The following SEMA6D variants were observed in gnomAD, a reference collection of about 807,000 sequenced individuals.
SEMA6D encodes the protein semaphorin 6D.
SEMA6D carries 35 observed loss-of-function variants against 106.6 expected under a neutral mutation model. That is an observed-to-expected ratio of 0.33 (90% confidence interval 0.25 to 0.44). The LOEUF is 0.44. Ranked by LOEUF, SEMA6D falls within the 20% of genes least tolerant of loss-of-function variation. The pLI is 1.00. For synonymous variants in SEMA6D, 499 were observed against 487.7 expected (o/e 1.02, Z -0.31); for missense variants, 1,185 against 1,345.9 (o/e 0.88, Z 1.87).
At chr15:47,304,433 TAAAAAAAAAAAAAAAAAAAAA>T (rs56185341) in intron 1 of SEMA6D, among the ~76,000 whole-genome samples, 2 of 93,866 alleles carry the variant, frequency 2.1e-5, no homozygotes, top group Non-Finnish European at 1.9e-5. Flanking sequence ...GCCTTCTAAC[TAAAAAAAAAAAAAAAAAAAAA>T]AAAAAAAAAA....
At chr15:47,616,248 C>T (rs781643737) in intron 4 of SEMA6D, among the ~76,000 whole-genome samples, 1 of 151,954 alleles carries the variant, frequency 6.6e-6, no homozygotes, top group African/African-American at 2.4e-5. Flanking sequence ...CAGCTAACTG[C>T]AGCCTCCACC....
intron 1 of SEMA6D, among the ~76,000 whole-genome samples, chr15:47,732,485 C>G (rs892900826): frequency 7.2e-5 from 11 of 152,298 alleles, no homozygotes; most frequent in Middle Eastern, 3.4e-3. Flanking sequence ...AACATCATGT[C>G]ACCTGCTCAT....
chr15:47,285,593 T>C (rs2035326880), intron 1 of SEMA6D, among the ~76,000 whole-genome samples: 1 of 152,194 alleles, frequency 6.6e-6, no homozygotes, highest in African/African-American at 2.4e-5. Flanking sequence ...AGTCTGCTAT[T>C]GCATTTTTTT....
In SEMA6D at chr15:47,640,464, C is replaced by G. The variant is rs144949127; in HGVS notation, c.-55+39568C>G. On this transcript the variant is annotated intron_variant, in intron 4 of 19. Coordinates refer to the SEMA6D transcript ENST00000558014. ...CCTTAGAGTGAACTTGTGAAATTAT[C>G]TGAGCTTGAACGGAGCTCAAAGAAA... is the stretch of plus-strand genomic sequence containing the variant. Among the ~76,000 whole-genome samples the G allele has an allele frequency of 2.3e-4, 35 of 152,312 alleles. No homozygotes were observed. The East Asian group carries it at 6.6e-3, about 29-fold the overall frequency.
rs1160235414 is a variant in SEMA6D, at chr15:47,761,200, G to T, written c.325G>T (p.Ala109Ser). Residue 109 changes from alanine to serine, a missense_variant, in exon 5 of 19, where the codon GCT (alanine) becomes TCT (serine). Physicochemically the swap from Ala to Ser is moderately conservative, Grantham distance 99. This residue lies in a region of SEMA6D where 144 missense variants were observed against 138.6 expected (regional missense o/e 1.04). Transcript: ENST00000536845. ...AAGACAACAGGATCGAGAAAACTGT[G>T]CTATGAAAGGCAAGCATAAAGTGAG... is the stretch of plus-strand genomic sequence containing the variant. ...RSRQQDRENC[A>S]MKGKHKDECH... The T allele has an allele frequency of 6.2e-7, 1 of 1,613,778 alleles. No individual in the cohort carries two copies. The highest frequency in any genetic ancestry group is 8.5e-7 in the Non-Finnish European group (1 of 1,179,832).
chr15:47,300,466 T>C (rs2035978357), intron 1 of SEMA6D, among the ~76,000 whole-genome samples: 1 of 152,134 alleles, frequency 6.6e-6, no homozygotes, highest in East Asian at 1.9e-4. Context: ...CGATCATAAA[T>C]AGTAGAAAAA....
intron 3 of SEMA6D, among the ~76,000 whole-genome samples, chr15:47,600,371 C>G (rs930481197): frequency 7.2e-5 from 11 of 152,026 alleles, no homozygotes; most frequent in Non-Finnish European, 1.5e-4. Flanking sequence ...GTGTGTTCTT[C>G]CAGCCTAATT....
At chr15:47,248,002 CAG>C (rs1368362786) in intron 1 of SEMA6D, among the ~76,000 whole-genome samples, 2 of 152,070 alleles carry the variant, frequency 1.3e-5, no homozygotes, top group Middle Eastern at 3.2e-3. Flanking sequence ...AAAATAATGA[CAG>C]AATTAATATG....
intron 11 of SEMA6D, 38 bp downstream of exon 11, chr15:47,764,343 A>G: frequency 6.3e-7 from 1 of 1,595,716 alleles, no homozygotes; most frequent in Non-Finnish European, 8.5e-7. Context: ...GTCTTGAACA[A>G]AACCTTCCGG....
chr15:47,703,774 T>C (rs2078861256), intron 4 of SEMA6D, among the ~76,000 whole-genome samples: 1 of 152,212 alleles, frequency 6.6e-6, no homozygotes, highest in South Asian at 2.1e-4. Context: ...GTTCTCTCTC[T>C]TTTTCAGGGC....
rs114972992 is a variant in SEMA6D, at chr15:47,663,019, A to G, written c.-55+62123A>G. 2.4e-4 allele frequency among the ~76,000 whole-genome samples: 37 copies of G among 152,338 alleles called. 1 individual carries two copies. The highest frequency in any genetic ancestry group is 8.9e-4 in the African/African-American group (37 of 41,582). On this transcript the variant is annotated intron_variant, in intron 4 of 19. Coordinates refer to the SEMA6D transcript ENST00000558014. Reference sequence around the variant, plus strand: ...TTGGCAAGAAGTAGGCTGAAAAGGTAAGTTGAAACCATATGCCAGAAGGCA... The same window carrying G: ...TTGGCAAGAAGTAGGCTGAAAAGGTGAGTTGAAACCATATGCCAGAAGGCA...
intron 2 of SEMA6D, among the ~76,000 whole-genome samples, chr15:47,434,282 G>C (rs900809014): frequency 4.6e-5 from 7 of 152,090 alleles, no homozygotes; most frequent in Admixed American, 2.0e-4. Context: ...AAATGAGCAG[G>C]AAGGAAGCAG....
At chr15:47,304,433 TAAAAAAAAAAAAAAAAA>T (rs56185341) in intron 1 of SEMA6D, among the ~76,000 whole-genome samples, 200 of 93,838 alleles carry the variant, frequency 2.1e-3, no homozygotes, top group Non-Finnish European at 1.6e-3. Context: ...GCCTTCTAAC[TAAAAAAAAAAAAAAAAA>T]AAAAAAAAAA....
intron 1 of SEMA6D, among the ~76,000 whole-genome samples, chr15:47,737,512 C>T (rs1445394977): frequency 6.6e-6 from 1 of 152,070 alleles, no homozygotes; most frequent in Non-Finnish European, 1.5e-5. Context: ...CTATATGCAT[C>T]TCCGGTTTTA....
At chr15:47,750,979 G>A (rs976540015) in intron 1 of SEMA6D, among the ~76,000 whole-genome samples, 19 of 152,188 alleles carry the variant, frequency 1.2e-4, no homozygotes, top group African/African-American at 4.3e-4. Context: ...TGGAGGCAAG[G>A]AGCACCCATG....
intron 1 of SEMA6D, among the ~76,000 whole-genome samples, chr15:47,299,345 T>G (rs2035929354): frequency 6.6e-6 from 1 of 152,218 alleles, no homozygotes; most frequent in South Asian, 2.1e-4. Context: ...CGACCTACTT[T>G]ATAAGCCAAA....
intron 1 of SEMA6D, among the ~76,000 whole-genome samples, chr15:47,758,126 GC>G (rs2081859512): frequency 6.6e-6 from 1 of 152,102 alleles, no homozygotes; most frequent in Admixed American, 6.6e-5. Context: ...TGAACTTACT[GC>G]TGGACTGATC....
At chr15:47,262,779 C>T (rs62014037) in intron 1 of SEMA6D, among the ~76,000 whole-genome samples, 1 of 151,940 alleles carries the variant, frequency 6.6e-6, no homozygotes, top group South Asian at 2.1e-4. Context: ...GAGGCACCAC[C>T]CTACCTGACT....
chr15:47,745,409 C>T (rs2081072853), intron 1 of SEMA6D, among the ~76,000 whole-genome samples: 1 of 152,342 alleles, frequency 6.6e-6, no homozygotes, highest in South Asian at 2.1e-4. Context: ...AAAGCTGGGG[C>T]ACCTACCTGG....
Sources: allele counts gnomAD v4.1 joint callset (sites outside exome capture counted in the v4.1 genomes callset), GRCh38; gene constraint gnomAD v4.1.1; regional missense constraint gnomAD v4.1.1; transcripts MANE v1.5; gene names NCBI Gene and HGNC (gene_info 2026-07-23, HGNC 2026-07-21).